Variants in SLC25A52 observed in about 807,000 individuals in gnomAD.
SLC25A52 encodes mitochondrial nicotinamide adenine dinucleotide transporter SLC25A52.
Under a neutral mutation model 17.7 loss-of-function variants are expected in SLC25A52, and 12 were observed. That is an observed-to-expected ratio of 0.68 (90% CI 0.43 to 1.10). SLC25A52 has a LOEUF of 1.10. SLC25A52 is among the 50% of genes least tolerant of loss of function. The probability of loss-of-function intolerance (pLI) is 0.00; values close to 1 mark genes in which losing one functional copy is unlikely to be tolerated. For missense variants in SLC25A52, 298 were observed against 364.9 expected (o/e 0.82, Z 1.49); for synonymous variants, 108 against 135.1 (o/e 0.80, Z 1.39).
chr18:31,759,821 T>C lies in SLC25A52; in HGVS notation c.841A>G (p.Ile281Val). Residue 281 changes from isoleucine to valine, a missense_variant, in exon 1 of 1, where the codon ATC (isoleucine) becomes GTC (valine). Physicochemically the swap from Ile to Val is conservative, Grantham distance 29. Transcript: ENST00000269205. Reference sequence around the variant, plus strand: ...GTTGCATTGATTATGCCCCAAGAGATGAGGGACCGATGGTAATTCAGATGG... The same window carrying C: ...GTTGCATTGATTATGCCCCAAGAGACGAGGGACCGATGGTAATTCAGATGG... Reference protein sequence around the residue: ...GAHLNYHRSLISWGIINATYE... With the variant: ...GAHLNYHRSLVSWGIINATYE... 1 of 1,606,054 alleles carries C rather than the reference T, an allele frequency of 6.2e-7. No individual in the cohort carries two copies. Among genetic ancestry groups the C allele is most frequent in the Non-Finnish European group, 8.5e-7 (1 of 1,177,096 alleles).
Position 31,760,397 on chromosome 18 carries a change from T to A in SLC25A52, c.265A>T (p.Met89Leu), listed in dbSNP as rs755305065. 29 of 1,614,054 alleles carry A rather than the reference T, an allele frequency of 1.8e-5. No individual in the cohort carries two copies. Among genetic ancestry groups the A allele is most frequent in the Non-Finnish European group, 2.5e-6 (3 of 1,180,036 alleles). ...NLYRGILPPL[M>L]QKTTTLALMF... ...AGTGCAAGCGTAGTTGTCTTCTGCA[T>A]CAATGGGGGAAGGATTCCACGATAC... The change falls in exon 1 of 1, where the codon ATG becomes TTG. Residue 89 changes from methionine to leucine, a missense_variant. Met to Leu is a conservative substitution (Grantham distance 15). Transcript: ENST00000269205.
Position 31,760,335 on chromosome 18 carries a change from G to C in SLC25A52, c.327C>G (p.Leu109=). 6.2e-7 allele frequency: 1 copy of C among 1,614,168 alleles called. No homozygotes were observed. Among genetic ancestry groups the C allele is most frequent in the Middle Eastern group, 1.7e-4 (1 of 6,060 alleles). ...ACTCTGGAGCACGGACATGCTTCCG[G>C]AGAAGGCAGGATAAATCCTCATACA... is the stretch of plus-strand genomic sequence containing the variant. The part of the protein sequence containing the change: ...FGLYEDLSCL[L]RKHVRAPEFA... The change falls in exon 1 of 1, where the codon CTC becomes CTG. Residue 109 remains leucine, a synonymous_variant. Transcript: ENST00000269205.
Sources: allele counts gnomAD v4.1 joint callset, GRCh38; gene constraint gnomAD v4.1.1; transcripts MANE v1.5; gene names NCBI Gene and HGNC (gene_info 2026-07-23, HGNC 2026-07-21).